Variants in OLFM3 observed in about 807,000 individuals in gnomAD.
The protein encoded by OLFM3 is olfactomedin 3.
A neutral mutation model predicts 48.6 loss-of-function variants in OLFM3; 20 were observed. The ratio of observed to expected loss-of-function variants is 0.41; its 90% CI spans 0.29 to 0.60. The LOEUF (loss-of-function observed/expected upper bound fraction) is 0.60. Among genes scored for constraint, OLFM3 ranks in the 20% least tolerant of loss-of-function variants. The pLI, the probability that OLFM3 is intolerant of heterozygous loss-of-function variation, is 0.28. For synonymous variants in OLFM3, 222 were observed against 198.1 expected (o/e 1.12, Z -1.01); for missense variants, 437 against 544.3 (o/e 0.80, Z 1.96).
intron 1 of OLFM3, among the ~76,000 whole-genome samples, chr1:101,992,514 T>C (rs1456144486): frequency 1.3e-5 from 2 of 152,146 alleles, no homozygotes; most frequent in Non-Finnish European, 2.9e-5. Context: ...TGTTCTAATT[T>C]GAGTTGATCC....
chr1:101,940,835 G>A (rs765492186), intron 1 of OLFM3, among the ~76,000 whole-genome samples: 1 of 151,446 alleles, frequency 6.6e-6, no homozygotes. Context: ...ACATATTTAT[G>A]TCTATACCTA....
chr1:101,806,150 C>A lies in OLFM3; in HGVS notation c.625G>T (p.Val209Phe), dbSNP rs1399931221. Residue 209 changes from valine to phenylalanine, a missense_variant, in exon 5 of 6, where the codon GTT (valine) becomes TTT (phenylalanine). Coordinates refer to ENST00000370103, the MANE Select transcript of OLFM3 (RefSeq NM_058170.4). ...CGGGTTCCAGATGTCTTGACTGTAACTGGGCCTGTGATTTTCATCAGTTTG... is the reference window on the plus strand; with the variant it reads ...CGGGTTCCAGATGTCTTGACTGTAAATGGGCCTGTGATTTTCATCAGTTTG... Reference protein sequence around the residue: ...CGKLMKITGPVTVKTSGTRFG... With the variant: ...CGKLMKITGPFTVKTSGTRFG... 1 of 1,611,946 alleles carries A rather than the reference C, an allele frequency of 6.2e-7. No homozygotes were observed. The highest frequency in any genetic ancestry group is 1.3e-5 in the African/African-American group (1 of 74,720).
intron 4 of OLFM3, among the ~76,000 whole-genome samples, chr1:101,824,135 C>A (rs548175010): frequency 8.4e-4 from 128 of 151,646 alleles, no homozygotes; most frequent in African/African-American, 3.0e-3. Context: ...TGCTTTACTT[C>A]TCTTCCCAAT....
chr1:101,951,951 T>C (rs1467378380), intron 1 of OLFM3, among the ~76,000 whole-genome samples: 1 of 152,170 alleles, frequency 6.6e-6, no homozygotes, highest in African/African-American at 2.4e-5. Flanking sequence ...AATTTTTCTT[T>C]TAAATAAAAC....
At chr1:101,980,256 G>A (rs1215059428) in intron 1 of OLFM3, among the ~76,000 whole-genome samples, 1 of 152,164 alleles carries the variant, frequency 6.6e-6, no homozygotes, top group African/African-American at 2.4e-5. Flanking sequence ...GGGAAGGCAT[G>A]ATTGGTTTTG....
Position 101,804,372 on chromosome 1 carries a change from G to T in OLFM3, c.1243C>A (p.His415Asn). The change falls in exon 6 of 6, where the codon CAT becomes AAT. Residue 415 changes from histidine to asparagine, a missense_variant. Physicochemically the swap from His to Asn is moderately conservative, Grantham distance 68. This residue lies in a region of OLFM3 where 108 missense variants were observed against 135.8 expected (regional missense o/e 0.80). Coordinates refer to ENST00000370103, the MANE Select transcript of OLFM3 (RefSeq NM_058170.4). This position sits in a 1 kb window ranked among gnomAD's most constrained non-coding sequence, Gnocchi z 4.5. ...STYEYTDIPF[H>N]NQYFHISMLD... ...ATGGATATGTGAAAGTATTGGTTAT[G>T]GAAGGGAATGTCTGTGTACTCATAT... 1 of 1,612,464 alleles carries T rather than the reference G, an allele frequency of 6.2e-7. No individual in the cohort carries two copies. Among genetic ancestry groups the T allele is most frequent in the Non-Finnish European group, 8.5e-7 (1 of 1,178,906 alleles).
At chr1:101,862,581 G>A (rs1323697517) in intron 1 of OLFM3, among the ~76,000 whole-genome samples, 1 of 152,156 alleles carries the variant, frequency 6.6e-6, no homozygotes, top group Non-Finnish European at 1.5e-5. Flanking sequence ...ATAAATGGAG[G>A]AATTCATTCT....
In OLFM3 at chr1:101,803,094, T is replaced by G. The variant is rs1035648253; in HGVS notation, c.*1144A>C. The G allele has an allele frequency of 1.3e-5, 2 of 152,074 alleles. No homozygotes were observed. Among genetic ancestry groups the G allele is most frequent in the African/African-American group, 4.8e-5 (2 of 41,372 alleles). 9.4% of individuals were successfully genotyped at this position (152,074 alleles called of 1,614,324 possible). ...ACAACTCCCAAGTCTCCCCATATTT[T>G]ATTTTGCACAAATCTTGCCAATAAC... On this transcript the variant is annotated 3_prime_UTR_variant, in exon 6 of 6. Transcript: ENST00000370103.
intron 1 of OLFM3, among the ~76,000 whole-genome samples, chr1:101,944,315 C>T (rs1259561847): frequency 6.6e-6 from 1 of 152,074 alleles, no homozygotes; most frequent in Non-Finnish European, 1.5e-5. Context: ...TCTAATCCTG[C>T]AAGAATTGCA....
intron 1 of OLFM3, among the ~76,000 whole-genome samples, chr1:101,928,801 T>C (rs6659843): frequency 0.047 from 7,137 of 152,150 alleles, 539 homozygotes; most frequent in African/African-American, 0.16. Context: ...TTATATTCAT[T>C]TTTAGAGGGT....
chr1:101,927,693 T>C (rs1359770439), intron 1 of OLFM3, among the ~76,000 whole-genome samples: 1 of 150,236 alleles, frequency 6.7e-6, no homozygotes, highest in East Asian at 1.9e-4. Context: ...AAAGCAAGTA[T>C]ATATATATGT....
intron 4 of OLFM3, among the ~76,000 whole-genome samples, chr1:101,811,073 G>A (rs1187883263): frequency 6.6e-6 from 1 of 151,656 alleles, no homozygotes; most frequent in African/African-American, 2.4e-5. Context: ...ATTATTATTT[G>A]AAAAAATATA....
At position 101,830,703 on chromosome 1, in the gene OLFM3, T is replaced by A; in HGVS notation, c.341A>T (p.Asp114Val). ...ATGCTTGGTCATAAGTGTCTTTCGA[T>A]CATCTTCAATCTGCCGAAATTTTGC... ...LKAKFRQIEDDRKTLMTKHFQ... is the reference protein window; with the variant it reads ...LKAKFRQIEDVRKTLMTKHFQ... Residue 114 changes from aspartate to valine, a missense_variant, in exon 3 of 6, where the codon GAT becomes GTT. Physicochemically the swap from Asp to Val is radical, Grantham distance 152. This residue lies in a region of OLFM3 where 314 missense variants were observed against 365.5 expected (regional missense o/e 0.86). Coordinates refer to ENST00000370103, the MANE Select transcript of OLFM3 (RefSeq NM_058170.4). 3.7e-6 allele frequency: 6 copies of A among 1,614,204 alleles called. No homozygotes were observed. Among genetic ancestry groups the A allele is most frequent in the Non-Finnish European group, 5.1e-6 (6 of 1,180,034 alleles).
chr1:101,953,459 T>A (rs1247915743), intron 1 of OLFM3, among the ~76,000 whole-genome samples: 8 of 152,200 alleles, frequency 5.3e-5, no homozygotes, highest in African/African-American at 1.9e-4. Context: ...TTTGGCACTT[T>A]ACAGCACAAT....
chr1:101,826,129 AACACACACACACACACACACACACACAC>A (rs66617960), intron 3 of OLFM3, among the ~76,000 whole-genome samples: 2 of 132,986 alleles, frequency 1.5e-5, no homozygotes, highest in East Asian at 2.3e-4. Context: ...ACTTTCGTCA[AACACACACACACACACACACACACACAC>A]ACACACACAC....
At chr1:101,849,812 G>T (rs191762770) in intron 1 of OLFM3, among the ~76,000 whole-genome samples, 1 of 152,262 alleles carries the variant, frequency 6.6e-6, no homozygotes, top group Non-Finnish European at 1.5e-5. Flanking sequence ...GTTTAGTTTG[G>T]GGGTTTGGAT....
chr1:101,857,179 A>C (rs1233737252), intron 1 of OLFM3, among the ~76,000 whole-genome samples: 1 of 151,964 alleles, frequency 6.6e-6, no homozygotes, highest in Non-Finnish European at 1.5e-5. Flanking sequence ...CTCTCTTTTC[A>C]TTAATAAAAT....
rs1015552691 is a variant in OLFM3 at position 101,855,617 on chromosome 1, T to C, written c.70-18592A>G. On this transcript the variant is annotated intron_variant, in intron 1 of 5. Transcript: ENST00000370103. ...AAATTAAAAGCAACATGTCTTCACT[T>C]ATTGAGTTTATCTTTGAATGTGATG... is the stretch of plus-strand genomic sequence containing the variant. 3.3e-5 allele frequency among the ~76,000 whole-genome samples: 5 copies of C among 152,102 alleles called. No individual in the cohort carries two copies. The South Asian group carries it at 1.0e-3, about 31-fold the overall frequency.
At chr1:101,989,687 T>C (rs1661347964) in intron 1 of OLFM3, among the ~76,000 whole-genome samples, 1 of 108,828 alleles carries the variant, frequency 9.2e-6, no homozygotes, top group African/African-American at 3.0e-5. Flanking sequence ...ATGAGTAACA[T>C]CAGCAGAAAT....
Sources: gnomAD v4.1 joint callset for allele counts (sites outside exome capture counted in the v4.1 genomes callset) on GRCh38, gnomAD v4.1.1 for gene constraint, gnomAD v4.1.1 regional missense constraint, Gnocchi (gnomAD v3.1) non-coding constraint, MANE v1.5 for transcripts, NCBI Gene and HGNC (gene_info 2026-07-23, HGNC 2026-07-21) for gene names.